The following NOTCH4 variants were observed in gnomAD, a reference collection of about 807,000 sequenced individuals.
NOTCH4 encodes notch receptor 4.
NOTCH4 carries 138 observed loss-of-function variants against 189.0 expected under a neutral mutation model. That is an observed-to-expected ratio of 0.73 (90% CI 0.64 to 0.84). The LOEUF is 0.84. Ranked by LOEUF, NOTCH4 falls within the 40% of genes least tolerant of loss-of-function variation. The probability of loss-of-function intolerance (pLI) is 0.00; values close to 1 mark genes in which losing one functional copy is unlikely to be tolerated. For synonymous variants in NOTCH4, 942 were observed against 1,032.8 expected, an observed-to-expected ratio of 0.91 and a Z score of 1.69; for missense variants, 2,286 against 2,605.4, an observed-to-expected ratio of 0.88 and a Z score of 2.67.
In NOTCH4 at chr6:32,220,027, G is replaced by A. The variant is rs150853774; in HGVS notation, c.1315+102C>T. 1.6e-4 allele frequency: 217 copies of A among 1,373,374 alleles called. No individual in the cohort carries two copies. In the African/African-American group the frequency reaches 3.0e-3, roughly 19 times the overall value. 85.1% of individuals were successfully genotyped at this position (1,373,374 alleles called of 1,614,324 possible). On this transcript the variant is annotated intron_variant, in intron 7 of 29. Coordinates refer to ENST00000375023, the MANE Select transcript of NOTCH4 (RefSeq NM_004557.4). ...AAATCTGGGCAAATTCAAGGAAAAA[G>A]ATGTTTGGTTTTTTAATTGGAAAAG...
In NOTCH4 at chr6:32,220,269, A is replaced by T; in HGVS notation, c.1175T>A (p.Leu392Ter). ...CGGCTGGCTCAGACACATGTCTTCC[A>T]AGTGGCACAGGAGTCCTGGAGGGGT... ...PPGRTGLLCH[L>*]EDMCLSQPCH... Residue 392 changes from leucine (L) to a stop codon, truncating the protein, a stop_gained, in exon 7 of 30, where the codon TTG becomes TAG. Coordinates refer to ENST00000375023, the MANE Select transcript of NOTCH4 (RefSeq NM_004557.4). LOFTEE classifies it high-confidence loss of function. The T allele has an allele frequency of 6.2e-7, 1 of 1,613,316 alleles. No individual in the cohort carries two copies. Among genetic ancestry groups the T allele is most frequent in the Non-Finnish European group, 8.5e-7 (1 of 1,179,600 alleles).
In NOTCH4 at chr6:32,220,302, G is replaced by A. The variant is rs1385664354; in HGVS notation, c.1160-18C>T. On this transcript the variant is annotated intron_variant, in intron 6 of 29. Coordinates refer to ENST00000375023, the MANE Select transcript of NOTCH4 (RefSeq NM_004557.4). ...CAGGAGTCCTGGAGGGGTAAGAGGGGGTGAGGCTCTCAAAGGCCACTTGAA... is the reference window on the plus strand; with the variant it reads ...CAGGAGTCCTGGAGGGGTAAGAGGGAGTGAGGCTCTCAAAGGCCACTTGAA... The A allele has an allele frequency of 6.2e-7, 1 of 1,610,198 alleles. No homozygotes were observed. Among genetic ancestry groups the A allele is most frequent in the Non-Finnish European group, 8.5e-7 (1 of 1,177,316 alleles).
chr6:32,204,039 C>G, intron 19 of NOTCH4, 98 bp downstream of exon 19: 1 of 1,524,316 alleles, frequency 6.6e-7, no homozygotes, highest in Non-Finnish European at 8.9e-7. Flanking sequence ...GGGGATGGAC[C>G]AGGTGACGGC....
In NOTCH4 at chr6:32,204,255, C is replaced by A. The variant is rs976109058; in HGVS notation, c.3000G>T (p.Gly1000=). The A allele has an allele frequency of 1.9e-6, 3 of 1,612,962 alleles. No homozygotes were observed. The South Asian group carries it at 3.3e-5, about 18-fold the overall frequency. ...FHCACPPGFV[G]LRCEGDVDEC... ...CGTCCACGTCTCCCTCACAGCGTAG[C>A]CCCACAAAGCCTGGAGGGCAGGCAC... is the stretch of plus-strand genomic sequence containing the variant. Residue 1000 remains glycine, a synonymous_variant, in exon 19 of 30, where the codon GGG becomes GGT. Transcript: ENST00000375023.
Position 32,204,273 on chromosome 6 carries a change from G to A in NOTCH4, c.2982C>T (p.Cys994=), listed in dbSNP as rs552537408. ...AGCGTAGCCCCACAAAGCCTGGAGGGCAGGCACAGTGGAATCCTCCAGGTT... is the reference window on the plus strand; with the variant it reads ...AGCGTAGCCCCACAAAGCCTGGAGGACAGGCACAGTGGAATCCTCCAGGTT... ...TPKPGGFHCA[C]PPGFVGLRCE... Residue 994 remains cysteine (C), a synonymous_variant, in exon 19 of 30, where the codon TGC becomes TGT. Transcript: ENST00000375023. The A allele has an allele frequency of 1.2e-6, 2 of 1,613,082 alleles. No individual in the cohort carries two copies. Among genetic ancestry groups the A allele is most frequent in the African/African-American group, 2.7e-5 (2 of 75,052 alleles).
chr6:32,215,559 T>C (rs527571598), intron 11 of NOTCH4, among the ~76,000 whole-genome samples, 174 bp from the exon 12 acceptor site: 1 of 152,350 alleles, frequency 6.6e-6, no homozygotes, highest in African/African-American at 2.4e-5. Flanking sequence ...ATTGTTTAAC[T>C]TTCTCAGAAT....
Position 32,202,648 on chromosome 6 carries a change from C to A in NOTCH4, c.3232-49G>T. ...GGAGATGCAACTTGCATTATTCTTC[C>A]CGCTCTCCATCAAGCAAACTCTTGG... On this transcript the variant is annotated intron_variant, in intron 20 of 29. Coordinates refer to ENST00000375023, the MANE Select transcript of NOTCH4 (RefSeq NM_004557.4). This position sits in a 1 kb window ranked among gnomAD's most constrained non-coding sequence, Gnocchi z 5.7. 6.6e-7 allele frequency: 1 copy of A among 1,509,898 alleles called. No individual in the cohort carries two copies. Among genetic ancestry groups the A allele is most frequent in the Non-Finnish European group, 8.9e-7 (1 of 1,124,306 alleles). The allele number at this position is 1,509,898 out of a possible 1,614,324, so 93.5% of individuals were successfully genotyped here.
In NOTCH4 at chr6:32,221,065, A is replaced by G. The variant is rs1021575404; in HGVS notation, c.712T>C (p.Cys238Arg). Residue 238 changes from cysteine to arginine, a missense_variant, in exon 4 of 30, where the codon TGC becomes CGC. Physicochemically the swap from Cys to Arg is radical, Grantham distance 180 (BLOSUM62 -3). Around this residue, in one of 2 missense-constraint regions of NOTCH4, gnomAD observed 1,903 missense variants for 2,261.9 expected, o/e 0.84. Transcript: ENST00000375023. The surrounding 1 kb of genome is among the most constrained non-coding windows in gnomAD (Gnocchi z 4.3). ...CCATTCGAACAGCCCCTAGGAGGGC[A>G]GGGTCCTGCCCGCAGCTCACAACGT... ...GPRCELRAGP[C>R]PPRGCSNGGT... 1 of 1,613,144 alleles carries G rather than the reference A, an allele frequency of 6.2e-7. No homozygotes were observed. Among genetic ancestry groups the G allele is most frequent in the African/African-American group, 1.3e-5 (1 of 75,056 alleles).
chr6:32,218,222 G>C, intron 8 of NOTCH4, 114 bp from the exon 9 acceptor site: 1 of 694,048 alleles, frequency 1.4e-6, no homozygotes, highest in Admixed American at 2.1e-5. Context: ...CTCCCCCGAG[G>C]TGCTGTCTGC....
chr6:32,218,964 T>C (rs1789581392), intron 8 of NOTCH4, among the ~76,000 whole-genome samples: 1 of 152,192 alleles, frequency 6.6e-6, no homozygotes, highest in Admixed American at 6.5e-5. Context: ...TTGTAATAAG[T>C]AGATGAGACA....
chr6:32,221,312 C>G lies in NOTCH4; in HGVS notation c.465G>C (p.Gln155His). The G allele has an allele frequency of 6.2e-7, 1 of 1,612,020 alleles. No homozygotes were observed. Among genetic ancestry groups the G allele is most frequent in the Non-Finnish European group, 8.5e-7 (1 of 1,179,448 alleles). The change falls in exon 4 of 30, where the codon CAG (glutamine) becomes CAC (histidine). Residue 155 changes from glutamine (Q) to histidine (H), a missense_variant. By Grantham distance (24) the Gln-to-His change is conservative. Transcript: ENST00000375023. The surrounding 1 kb of genome is among the most constrained non-coding windows in gnomAD (Gnocchi z 4.3). ...GGTTGGCTGAACAGAAGTCCCGAAG[C>G]TGGCACTGCTCACCTGAGGCAGAGG... ...CMPGWTGEQCQLRDFCSANPC... is the reference protein window; with the variant it reads ...CMPGWTGEQCHLRDFCSANPC...
rs760139771 is a variant in NOTCH4, at chr6:32,212,931, G to A, written c.2439-20C>T. 9 of 1,556,692 alleles carry A rather than the reference G, an allele frequency of 5.8e-6. No homozygotes were observed. On this transcript the variant is annotated intron_variant, in intron 15 of 29. Coordinates refer to ENST00000375023, the MANE Select transcript of NOTCH4 (RefSeq NM_004557.4). This position sits in a 1 kb window ranked among gnomAD's most constrained non-coding sequence, Gnocchi z 4.4. ...CAGGGGCTGAACAAGACAGAGACAG[G>A]GCATGATAGGAAGAAGTTCGGGCAA...
At chr6:32,222,086 G>A (rs941100269) in intron 3 of NOTCH4, among the ~76,000 whole-genome samples, 28 of 151,956 alleles carry the variant, frequency 1.8e-4, no homozygotes, top group African/African-American at 6.5e-4. Context: ...TTCCCTTCCC[G>A]GTGCCCCTCC....
chr6:32,196,919 A>AC lies in NOTCH4; in HGVS notation c.5200+5dup. 6.2e-7 allele frequency: 1 copy of AC among 1,612,634 alleles called. No individual in the cohort carries two copies. The highest frequency in any genetic ancestry group is 8.5e-7 in the Non-Finnish European group (1 of 1,179,962). On this transcript the variant is annotated splice_donor_region_variant and intron_variant, in intron 28 of 29. Coordinates refer to ENST00000375023, the MANE Select transcript of NOTCH4 (RefSeq NM_004557.4). ...TATAGCATACATCACCCCTTCCTCTACATACCCCATTTATCTCTGGCCCCC... is the reference window on the plus strand; with the variant it reads ...TATAGCATACATCACCCCTTCCTCTACCATACCCCATTTATCTCTGGCCCCC...
rs1047591950 is a variant in NOTCH4 at position 32,217,554 on chromosome 6, A to G, written c.1625-288T>C. ...CTCATGGTACTGTTAAAAAGATTAA[A>G]TGACATAACGCCTGAAAAGTACTCA... On this transcript the variant is annotated intron_variant, in intron 9 of 29. Transcript: ENST00000375023. The surrounding 1 kb of genome is among the most constrained non-coding windows in gnomAD (Gnocchi z 4.2). Among the ~76,000 whole-genome samples the G allele has an allele frequency of 1.1e-4, 16 of 152,234 alleles. No homozygotes were observed. Among genetic ancestry groups the G allele is most frequent in the Non-Finnish European group, 1.9e-4 (13 of 68,040 alleles).
At chr6:32,196,221 T>TG (rs1405457409) in intron 29 of NOTCH4, 71 bp from the exon 30 acceptor site, 3 of 1,606,924 alleles carry the variant, frequency 1.9e-6, no homozygotes, top group Admixed American at 1.7e-5. Flanking sequence ...TGCCTTCACT[T>TG]GCGCGACCAC....
In NOTCH4 at chr6:32,200,890, C is replaced by G. The variant is rs1221638084; in HGVS notation, c.4256G>C (p.Gly1419Ala). Residue 1419 changes from glycine to alanine, a missense_variant, in exon 23 of 30, where the codon GGA becomes GCA. Gly to Ala is a moderately conservative substitution (Grantham distance 60). Coordinates refer to ENST00000375023, the MANE Select transcript of NOTCH4 (RefSeq NM_004557.4). The surrounding 1 kb of genome is among the most constrained non-coding windows in gnomAD (Gnocchi z 5.0). Reference protein sequence around the residue: ...LRFLAAMAAVGALEPLLPGPL... With the variant: ...LRFLAAMAAVAALEPLLPGPL... ...TCCAGGCAGCAGGGGCTCCAGGGCT[C>G]CCACTGCAGCCATCGCAGCAAGGAA... 2 of 1,608,914 alleles carry G rather than the reference C, an allele frequency of 1.2e-6. No homozygotes were observed. The highest frequency in any genetic ancestry group is 1.1e-5 in the South Asian group (1 of 90,538).
rs373064773 is a variant in NOTCH4 at position 32,198,876 on chromosome 6, G to A, written c.4535+50C>T. On this transcript the variant is annotated intron_variant, in intron 24 of 29. Transcript: ENST00000375023. The surrounding 1 kb of genome is among the most constrained non-coding windows in gnomAD (Gnocchi z 5.5). ...CTTATCTTTTCTGATTGTAAATATCGCCATAGGAGAGACTCCCCTTCCTGA... is the reference window on the plus strand; with the variant it reads ...CTTATCTTTTCTGATTGTAAATATCACCATAGGAGAGACTCCCCTTCCTGA... 1.2e-5 allele frequency: 17 copies of A among 1,476,974 alleles called. No homozygotes were observed. The highest frequency in any genetic ancestry group is 3.6e-4 in the Middle Eastern group (2 of 5,556). The allele number at this position is 1,476,974 out of a possible 1,614,324, so 91.5% of individuals were successfully genotyped here.
intron 18 of NOTCH4, among the ~76,000 whole-genome samples, chr6:32,204,636 C>A (rs950794905): frequency 1.3e-5 from 2 of 152,230 alleles, no homozygotes; most frequent in African/African-American, 4.8e-5. Flanking sequence ...TGCCACCAAA[C>A]ACAGCACCAT....
Sources: allele counts gnomAD v4.1 joint callset (sites outside exome capture counted in the v4.1 genomes callset), GRCh38; gene constraint gnomAD v4.1.1; regional missense constraint gnomAD v4.1.1; non-coding constraint Gnocchi (gnomAD v3.1); transcripts MANE v1.5; gene names NCBI Gene and HGNC (gene_info 2026-07-23, HGNC 2026-07-21).